The following SCHIP1 variants were observed in gnomAD, a reference collection of about 807,000 sequenced individuals.
The protein encoded by SCHIP1 is schwannomin-interacting protein 1.
A neutral mutation model predicts 29.7 loss-of-function variants in SCHIP1; 8 were observed. That is an observed-to-expected ratio of 0.27 (90% CI 0.16 to 0.49). The LOEUF is 0.49. Ranked by LOEUF, SCHIP1 falls within the 20% of genes least tolerant of loss-of-function variation. SCHIP1 has a pLI of 0.99. For synonymous variants in SCHIP1, 76 were observed against 94.9 expected (o/e 0.80, Z 1.16); for missense variants, 193 against 294.6 (o/e 0.66, Z 2.52).
At chr3:159,731,236 C>T in the SCHIP1 span, among the ~76,000 whole-genome samples, 1 of 152,190 alleles carries the variant, frequency 6.6e-6, no homozygotes, top group South Asian at 2.1e-4. Flanking sequence ...AAAGTGATGA[C>T]CAAATTAGGC....
the SCHIP1 span, among the ~76,000 whole-genome samples, chr3:159,610,335 T>C: frequency 6.6e-6 from 1 of 152,174 alleles, no homozygotes; most frequent in African/African-American, 2.4e-5. Context: ...CCCTGGAAAA[T>C]GAGGAGTTAC....
chr3:159,660,690 G>T, the SCHIP1 span, among the ~76,000 whole-genome samples: 1 of 152,144 alleles, frequency 6.6e-6, no homozygotes, highest in African/African-American at 2.4e-5. Flanking sequence ...AGTGATTAGG[G>T]CAAGATGAAA....
At chr3:159,592,256 A>G in the SCHIP1 span, among the ~76,000 whole-genome samples, 1 of 152,120 alleles carries the variant, frequency 6.6e-6, no homozygotes, top group African/African-American at 2.4e-5. Context: ...TGTAATCTCC[A>G]AGGTGTTGTG....
the SCHIP1 span, among the ~76,000 whole-genome samples, chr3:159,684,297 G>T: frequency 6.6e-6 from 1 of 152,132 alleles, no homozygotes; most frequent in African/African-American, 2.4e-5. Flanking sequence ...ACTCTGCCCT[G>T]CCTTGTCTTT....
chr3:159,572,182 G>C, the SCHIP1 span, among the ~76,000 whole-genome samples: 1 of 151,716 alleles, frequency 6.6e-6, no homozygotes, highest in East Asian at 1.9e-4. Context: ...GAATGTGTTT[G>C]CTCTTCTCTA....
chr3:159,853,332 G>GA, intron 1 of SCHIP1: 1 of 672,574 alleles, frequency 1.5e-6, no homozygotes, highest in Non-Finnish European at 2.7e-6. Flanking sequence ...CAGCCTATCA[G>GA]AATTCATGGG....
At chr3:159,577,575 A>T in the SCHIP1 span, among the ~76,000 whole-genome samples, 1 of 152,306 alleles carries the variant, frequency 6.6e-6, no homozygotes, top group East Asian at 1.9e-4. Context: ...GAGTGATGCA[A>T]CTGTACCACA....
chr3:159,469,979 C>T, the SCHIP1 span, among the ~76,000 whole-genome samples: 3 of 151,952 alleles, frequency 2.0e-5, no homozygotes, highest in Admixed American at 6.6e-5. Flanking sequence ...TCTAGTAATG[C>T]AAAGATAGTT....
At chr3:159,665,112 T>C in the SCHIP1 span, among the ~76,000 whole-genome samples, 1 of 152,218 alleles carries the variant, frequency 6.6e-6, no homozygotes, top group African/African-American at 2.4e-5. Flanking sequence ...ATCTGAGAGA[T>C]GGGCTCTAGC....
the SCHIP1 span, among the ~76,000 whole-genome samples, chr3:159,450,154 C>T: frequency 6.6e-6 from 1 of 152,152 alleles, no homozygotes; most frequent in Non-Finnish European, 1.5e-5. Context: ...TGTTTTCACT[C>T]TTCCTATGCT....
the SCHIP1 span, among the ~76,000 whole-genome samples, chr3:159,637,371 C>A: frequency 7.4e-6 from 1 of 134,656 alleles, no homozygotes; most frequent in African/African-American, 2.7e-5. Flanking sequence ...CCGGCCCCAG[C>A]CACACACACA....
chr3:159,676,316 T>G, the SCHIP1 span, among the ~76,000 whole-genome samples: 1 of 152,222 alleles, frequency 6.6e-6, no homozygotes, highest in Non-Finnish European at 1.5e-5. Context: ...ATGCTGAAGA[T>G]AAACAGTGGT....
chr3:159,500,458 A>T, the SCHIP1 span, among the ~76,000 whole-genome samples: 49 of 152,304 alleles, frequency 3.2e-4, no homozygotes, highest in Non-Finnish European at 8.8e-5. Flanking sequence ...TCACGCCTGT[A>T]ATCCCAGCAC....
chr3:159,346,678 A>C, the SCHIP1 span, among the ~76,000 whole-genome samples: 154 of 152,258 alleles, frequency 1.0e-3, 1 homozygote, highest in African/African-American at 3.6e-3. Flanking sequence ...TATGAAAAAT[A>C]ATCACCCACA....
rs531875254 is a variant in SCHIP1 at position 159,859,456 on chromosome 3, G to A, written c.31-6707G>A. On this transcript the variant is annotated intron_variant, in intron 1 of 6. Transcript: ENST00000445224. The stretch of plus-strand genomic sequence containing the variant: ...GAATAAAGCTGTCTTATAAGCTGGG[G>A]GAAGAAATAAGAGCGACTACCACTT... Among the ~76,000 whole-genome samples the A allele has an allele frequency of 3.0e-4, 45 of 152,288 alleles. 1 individual carries two copies. Among genetic ancestry groups the A allele is most frequent in the African/African-American group, 9.9e-4 (41 of 41,556 alleles).
the SCHIP1 span, among the ~76,000 whole-genome samples, chr3:159,572,763 G>T: frequency 6.6e-6 from 1 of 152,078 alleles, no homozygotes; most frequent in Non-Finnish European, 1.5e-5. Context: ...CTCTTTGTAG[G>T]TCTCTAAGGG....
At chr3:159,280,387 T>C in the SCHIP1 span, among the ~76,000 whole-genome samples, 1 of 152,212 alleles carries the variant, frequency 6.6e-6, no homozygotes, top group Non-Finnish European at 1.5e-5. Context: ...GCTGAGCTTT[T>C]CAGGTCCTTT....
chr3:159,536,068 T>C, the SCHIP1 span, among the ~76,000 whole-genome samples: 4 of 152,202 alleles, frequency 2.6e-5, no homozygotes, highest in Non-Finnish European at 4.4e-5. Context: ...TAGCCATATT[T>C]CAATTGCTCA....
chr3:159,800,348 A>C, the SCHIP1 span, among the ~76,000 whole-genome samples: 1 of 152,166 alleles, frequency 6.6e-6, no homozygotes, highest in Admixed American at 6.5e-5. Context: ...ATCTCTTACC[A>C]GGATAATGTC....
Sources: gnomAD v4.1 joint callset for allele counts (sites outside exome capture counted in the v4.1 genomes callset) on GRCh38, gnomAD v4.1.1 for gene constraint, MANE v1.5 for transcripts, NCBI Gene and HGNC (gene_info 2026-07-23, HGNC 2026-07-21) for gene names.